Variants in CHMP2B observed in about 807,000 individuals in gnomAD.
CHMP2B encodes the protein VPS2 homolog B.
Under a neutral mutation model 29.8 loss-of-function variants are expected in CHMP2B, and 22 were observed. The ratio of observed to expected loss-of-function variants is 0.74; its 90% CI spans 0.53 to 1.05. The LOEUF (loss-of-function observed/expected upper bound fraction) is 1.05, where lower values mean the gene tolerates loss of function less well. CHMP2B is among the 50% of genes least tolerant of loss of function. CHMP2B has a pLI of 0.00. For missense variants in CHMP2B, 261 were observed against 252.2 expected (o/e 1.03, Z -0.24); for synonymous variants, 78 against 75.8 (o/e 1.03, Z -0.15).
At chr3:87,253,595 C>G in intron 5 of CHMP2B, 85 bp downstream of exon 5, 1 of 1,324,312 alleles carries the variant, frequency 7.6e-7, no homozygotes, top group South Asian at 1.2e-5. Context: ...CTAGGAGGTG[C>G]ATGGTTTTTA....
At chr3:87,235,735 A>G (rs1705995397) in intron 1 of CHMP2B, among the ~76,000 whole-genome samples, 1 of 152,210 alleles carries the variant, frequency 6.6e-6, no homozygotes, top group Non-Finnish European at 1.5e-5. Context: ...TTGGGTGTTC[A>G]GCAATTCAGT....
At chr3:87,244,195 T>C (rs1706172334) in intron 2 of CHMP2B, among the ~76,000 whole-genome samples, 3 of 151,516 alleles carry the variant, frequency 2.0e-5, no homozygotes, top group Admixed American at 2.0e-4. Context: ...TACAGGTGTG[T>C]GCCACCACGC....
At position 87,227,356 on chromosome 3, in the gene CHMP2B, G is replaced by T; in HGVS notation, c.-167G>T. ...TCCGGGTGACGCGGCTGCGGTAGCTGCGGATACAAGCCTTCCGCGGGTCCT... is the reference window on the plus strand; with the variant it reads ...TCCGGGTGACGCGGCTGCGGTAGCTTCGGATACAAGCCTTCCGCGGGTCCT... On this transcript the variant is annotated 5_prime_UTR_variant, in exon 1 of 6. Transcript: ENST00000263780. 1.4e-6 allele frequency: 1 copy of T among 696,262 alleles called. No homozygotes were observed. Among genetic ancestry groups the T allele is most frequent in the Non-Finnish European group, 2.6e-6 (1 of 391,800 alleles). 43.1% of individuals were successfully genotyped at this position (696,262 alleles called of 1,614,324 possible).
At chr3:87,252,509 T>C (rs1575972041) in intron 4 of CHMP2B, among the ~76,000 whole-genome samples, 1 of 152,062 alleles carries the variant, frequency 6.6e-6, no homozygotes, top group East Asian at 1.9e-4. Flanking sequence ...TGTATCTCTG[T>C]GTGGTTAAAC....
Position 87,253,789 on chromosome 3 carries a change from T to A in CHMP2B, c.609T>A (p.Ile203=). 4 of 1,612,372 alleles carry A rather than the reference T, an allele frequency of 2.5e-6. No individual in the cohort carries two copies. Among genetic ancestry groups the A allele is most frequent in the Non-Finnish European group, 3.4e-6 (4 of 1,178,686 alleles). ...AGGCTACAATCTCAGATGAAGAGAT[T>A]GAACGGCAACTCAAGGCTTTAGGAG... is the stretch of plus-strand genomic sequence containing the variant. ...TSKATISDEE[I]ERQLKALGVD The change falls in exon 6 of 6, where the codon ATT becomes ATA. Residue 203 remains isoleucine, a synonymous_variant. Coordinates refer to ENST00000263780, the MANE Select transcript of CHMP2B (RefSeq NM_014043.4).
At chr3:87,241,688 ATTTG>A (rs1706122032) in intron 2 of CHMP2B, among the ~76,000 whole-genome samples, 1 of 152,060 alleles carries the variant, frequency 6.6e-6, no homozygotes, top group Non-Finnish European at 1.5e-5. Context: ...ATATTTCACA[ATTTG>A]TTTATCTGTT....
intron 1 of CHMP2B, among the ~76,000 whole-genome samples, chr3:87,229,600 ATTC>A (rs770948292): frequency 5.3e-5 from 8 of 152,092 alleles, no homozygotes; most frequent in Non-Finnish European, 1.0e-4. Flanking sequence ...AGGTGACAGC[ATTC>A]TTCTTGGTAA....
At chr3:87,236,182 G>A (rs1706004473) in intron 1 of CHMP2B, among the ~76,000 whole-genome samples, 1 of 152,072 alleles carries the variant, frequency 6.6e-6, no homozygotes, top group Admixed American at 6.6e-5. Context: ...TGGGGGTGGA[G>A]TTAAAAGTTC....
intron 3 of CHMP2B, among the ~76,000 whole-genome samples, chr3:87,247,397 C>G (rs114244150): frequency 0.011 from 1,664 of 152,240 alleles, 12 homozygotes; most frequent in Non-Finnish European, 0.015. Flanking sequence ...CTTAGGAACA[C>G]TGGGCAGCAT....
intron 2 of CHMP2B, among the ~76,000 whole-genome samples, chr3:87,242,784 A>G (rs1706142136): frequency 6.6e-6 from 1 of 152,144 alleles, no homozygotes; most frequent in Admixed American, 6.5e-5. Flanking sequence ...GCTCTGTTCC[A>G]TTGATTTACA....
chr3:87,253,064 A>G (rs1223015228), intron 4 of CHMP2B: 1 of 240,202 alleles, frequency 4.2e-6, no homozygotes, highest in African/African-American at 2.3e-5. Flanking sequence ...TTCTTCCTCT[A>G]CTAGCTTAAT....
At position 87,255,432 on chromosome 3, in the gene CHMP2B, C is replaced by T. The variant is rs191312397; in HGVS notation, c.*1610C>T. ...TTACGTTCTTGTTTACATGTGGGAG[C>T]TTTTGTTTTCAAAAATTATTTTGTT... is the stretch of plus-strand genomic sequence containing the variant. On this transcript the variant is annotated 3_prime_UTR_variant, in exon 6 of 6. Coordinates refer to ENST00000263780, the MANE Select transcript of CHMP2B (RefSeq NM_014043.4). The T allele has an allele frequency of 1.2e-3, 186 of 152,266 alleles. 1 individual carries two copies. The highest frequency in any genetic ancestry group is 5.2e-4 in the Non-Finnish European group (35 of 67,854). The allele number at this position is 152,266 out of a possible 1,614,324, so 9.4% of individuals were successfully genotyped here. A position where few individuals can be genotyped will look rare whatever the true frequency, so the allele number is the denominator to read the frequency against.
chr3:87,233,946 C>A (rs1315071674), intron 1 of CHMP2B, among the ~76,000 whole-genome samples: 1 of 152,138 alleles, frequency 6.6e-6, no homozygotes, highest in Non-Finnish European at 1.5e-5. Flanking sequence ...ATAGTGGCTA[C>A]TTCTCTAGTA....
At chr3:87,248,040 G>A (rs1406289157) in intron 3 of CHMP2B, among the ~76,000 whole-genome samples, 1 of 152,040 alleles carries the variant, frequency 6.6e-6, no homozygotes, top group Non-Finnish European at 1.5e-5. Flanking sequence ...GCTCATGCCT[G>A]TAATCTCAGC....
rs77328592 is a variant in CHMP2B at position 87,227,372 on chromosome 3, C to A, written c.-151C>A. ...GCGGTAGCTGCGGATACAAGCCTTCCGCGGGTCCTGCCTGGCGACCCCGAC... is the reference window on the plus strand; with the variant it reads ...GCGGTAGCTGCGGATACAAGCCTTCAGCGGGTCCTGCCTGGCGACCCCGAC... On this transcript the variant is annotated 5_prime_UTR_variant, in exon 1 of 6. Transcript: ENST00000263780. 0.012 allele frequency: 9,539 copies of A among 786,944 alleles called. 75 individuals carry two copies. The highest frequency in any genetic ancestry group is 0.015 in the Non-Finnish European group (6,923 of 457,146). 48.7% of individuals were successfully genotyped at this position (786,944 alleles called of 1,614,324 possible). A position where few individuals can be genotyped will look rare whatever the true frequency, so the allele number is the denominator to read the frequency against.
chr3:87,239,274 A>T (rs1706071133), intron 1 of CHMP2B, among the ~76,000 whole-genome samples: 1 of 146,876 alleles, frequency 6.8e-6, no homozygotes, highest in African/African-American at 2.4e-5. Flanking sequence ...AATTTTCACC[A>T]AGTCCAATTT....
intron 2 of CHMP2B, among the ~76,000 whole-genome samples, chr3:87,244,483 T>C (rs1268602719): frequency 6.6e-6 from 1 of 152,172 alleles, no homozygotes; most frequent in African/African-American, 2.4e-5. Context: ...CTGTAAACTC[T>C]TCTAAGAGCA....
chr3:87,251,981 C>T (rs2106915262), intron 4 of CHMP2B, among the ~76,000 whole-genome samples: 1 of 151,872 alleles, frequency 6.6e-6, no homozygotes, highest in African/African-American at 2.4e-5. Context: ...CAGAGGCTTA[C>T]CTTTGAGCAT....
At chr3:87,244,035 T>C (rs1706168905) in intron 2 of CHMP2B, among the ~76,000 whole-genome samples, 4 of 150,252 alleles carry the variant, frequency 2.7e-5, no homozygotes, top group Admixed American at 6.6e-5. Flanking sequence ...TTTTTTTTTT[T>C]TGTTTTTTGT....
Sources: gnomAD v4.1 joint callset for allele counts (sites outside exome capture counted in the v4.1 genomes callset) on GRCh38, gnomAD v4.1.1 for gene constraint, MANE v1.5 for transcripts, NCBI Gene and HGNC (gene_info 2026-07-23, HGNC 2026-07-21) for gene names.